BMAL2: variants seen among roughly 807,000 people sequenced by gnomAD.
BMAL2 encodes basic helix-loop-helix ARNT-like protein 2.
chr12:27,401,471 T>G, the BMAL2 span: 175 of 1,541,948 alleles, frequency 1.1e-4, no homozygotes, highest in Middle Eastern at 5.5e-4. Context: ...CTTCACAACA[T>G]TGATTTTTAT....
chr12:27,367,664 T>G, the BMAL2 span, among the ~76,000 whole-genome samples: 1 of 152,130 alleles, frequency 6.6e-6, no homozygotes. Flanking sequence ...CTTAAAAACA[T>G]GGACTAACAA....
the BMAL2 span, among the ~76,000 whole-genome samples, chr12:27,399,680 A>G: frequency 1.3e-5 from 2 of 152,250 alleles, no homozygotes; most frequent in African/African-American, 2.4e-5. Flanking sequence ...AATAGTGCCA[A>G]TTTGAAACAA....
chr12:27,366,102 T>C, the BMAL2 span, among the ~76,000 whole-genome samples: 2 of 152,158 alleles, frequency 1.3e-5, no homozygotes, highest in Non-Finnish European at 2.9e-5. Context: ...TTTACAAAGA[T>C]ATAGGGATTT....
chr12:27,373,500 G>T, the BMAL2 span, among the ~76,000 whole-genome samples: 2 of 152,128 alleles, frequency 1.3e-5, no homozygotes, highest in Non-Finnish European at 2.9e-5. Context: ...TGATGATGTG[G>T]GTGCCATCAC....
At chr12:27,336,781 TC>T in the BMAL2 span, among the ~76,000 whole-genome samples, 2 of 151,930 alleles carry the variant, frequency 1.3e-5, no homozygotes, top group East Asian at 3.9e-4. Context: ...TGAAACCCTG[TC>T]TCTACTAAAA....
At chr12:27,409,387 C>A in the BMAL2 span, among the ~76,000 whole-genome samples, 51 of 152,164 alleles carry the variant, frequency 3.4e-4, no homozygotes, top group African/African-American at 1.2e-3. Context: ...GTACTGGTAC[C>A]AAAACAGAGA....
the BMAL2 span, among the ~76,000 whole-genome samples, chr12:27,354,805 G>A: frequency 8.5e-5 from 13 of 152,256 alleles, no homozygotes; most frequent in East Asian, 1.7e-3. Context: ...TATTCAACCT[G>A]TACCAGTTTT....
At chr12:27,360,657 A>G in the BMAL2 span, among the ~76,000 whole-genome samples, 1 of 152,198 alleles carries the variant, frequency 6.6e-6, no homozygotes, top group East Asian at 1.9e-4. Context: ...TTGCTGGGCT[A>G]GTTACTTAAT....
chr12:27,347,405 A>G, the BMAL2 span, among the ~76,000 whole-genome samples: 1 of 152,324 alleles, frequency 6.6e-6, no homozygotes, highest in Non-Finnish European at 1.5e-5. Context: ...GTAGAACTCC[A>G]GGATACACAG....
the BMAL2 span, chr12:27,380,554 C>A: frequency 2.3e-6 from 2 of 870,030 alleles, no homozygotes; most frequent in Non-Finnish European, 3.5e-6. Context: ...TGTCTATAGT[C>A]TGTATGTGGA....
chr12:27,336,810 G>A, the BMAL2 span, among the ~76,000 whole-genome samples: 64,737 of 151,726 alleles, frequency 0.43, 14,034 homozygotes, highest in Admixed American at 0.51. Flanking sequence ...AAATTAGTCC[G>A]GCGTTGGTGG....
At chr12:27,357,557 A>C in the BMAL2 span, among the ~76,000 whole-genome samples, 5 of 152,204 alleles carry the variant, frequency 3.3e-5, no homozygotes, top group Non-Finnish European at 4.4e-5. Flanking sequence ...CACATAGCCA[A>C]AGCGCAAGAC....
chr12:27,413,062 G>A, the BMAL2 span, among the ~76,000 whole-genome samples: 5 of 151,302 alleles, frequency 3.3e-5, no homozygotes, highest in Non-Finnish European at 7.4e-5. Flanking sequence ...AGAAATGTAA[G>A]GTAGATAAGG....
At chr12:27,358,359 C>T in the BMAL2 span, among the ~76,000 whole-genome samples, 1 of 152,098 alleles carries the variant, frequency 6.6e-6, no homozygotes, top group African/African-American at 2.4e-5. Context: ...CTTACTCTTG[C>T]AAGAATGGTC....
the BMAL2 span, among the ~76,000 whole-genome samples, chr12:27,353,698 TCTATA>T: frequency 6.6e-6 from 1 of 151,748 alleles, no homozygotes; most frequent in African/African-American, 2.4e-5. Context: ...ATATCCAGAA[TCTATA>T]AAGAACTTAA....
At chr12:27,386,390 T>A in the BMAL2 span, among the ~76,000 whole-genome samples, 3 of 152,208 alleles carry the variant, frequency 2.0e-5, no homozygotes, top group Admixed American at 1.3e-4. Context: ...ATGTGCCATA[T>A]GTACCCGCTT....
At chr12:27,420,804 G>C in the BMAL2 span, 1 of 294,352 alleles carries the variant, frequency 3.4e-6, no homozygotes, top group Non-Finnish European at 6.2e-6. Context: ...TTCTAACCAA[G>C]AATACTACTT....
the BMAL2 span, chr12:27,424,556 A>T: frequency 6.6e-6 from 1 of 152,206 alleles, no homozygotes; most frequent in African/African-American, 2.4e-5. Context: ...CTTTGTTGTC[A>T]TAGTCTTTGA....
the BMAL2 span, chr12:27,422,920 A>C: frequency 6.6e-6 from 1 of 152,224 alleles, no homozygotes; most frequent in South Asian, 2.1e-4. Context: ...GAGGGAGACC[A>C]GTGCTGCCTC....
Sources: gnomAD v4.1 joint callset for allele counts (sites outside exome capture counted in the v4.1 genomes callset) on GRCh38, gnomAD v4.1.1 for gene constraint, MANE v1.5 for transcripts, NCBI Gene and HGNC (gene_info 2026-07-23, HGNC 2026-07-21) for gene names.